Variants in MARCHF1 observed in about 807,000 individuals in gnomAD.
MARCHF1 encodes the protein membrane associated ring-CH-type finger 1.
In MARCHF1, 40 loss-of-function variants were observed where a neutral mutation model predicts 54.2. The ratio of observed to expected loss-of-function variants is 0.74; its 90% confidence interval spans 0.57 to 0.96. The LOEUF is 0.96. Among genes scored for constraint, MARCHF1 ranks in the 40% least tolerant of loss-of-function variants. The pLI is 0.00. For missense variants in MARCHF1, 586 were observed against 656.5 expected (o/e 0.89, Z 1.17); for synonymous variants, 236 against 236.3 (o/e 1.00, Z 0.01).
Position 163,892,442 on chromosome 4 carries a change from C to T in MARCHF1, c.-38-38273G>A, listed in dbSNP as rs556348412. ...CACCCTGTAGAGCTTAGTTTAAAAACCACTCCTTAGGAAATGCTGCTTGAG... is the reference window on the plus strand; with the variant it reads ...CACCCTGTAGAGCTTAGTTTAAAAATCACTCCTTAGGAAATGCTGCTTGAG... On this transcript the variant is annotated intron_variant, in intron 3 of 9. Coordinates refer to ENST00000514618, the MANE Select transcript of MARCHF1 (RefSeq NM_001394959.1). 2.6e-5 allele frequency among the ~76,000 whole-genome samples: 4 copies of T among 152,036 alleles called. No homozygotes were observed. The South Asian group carries it at 6.2e-4, about 24-fold the overall frequency.
intron 3 of MARCHF1, among the ~76,000 whole-genome samples, chr4:163,952,575 T>C (rs956574576): frequency 7.2e-5 from 11 of 152,318 alleles, no homozygotes; most frequent in Middle Eastern, 3.4e-3. Flanking sequence ...TTATCTGTAT[T>C]AATGAGACAT....
intron 4 of MARCHF1, among the ~76,000 whole-genome samples, chr4:163,705,098 T>C (rs1379078958): frequency 6.6e-6 from 1 of 151,532 alleles, no homozygotes; most frequent in African/African-American, 2.4e-5. Flanking sequence ...GAGAAAAACA[T>C]AAGATAGTTA....
chr4:164,225,092 G>A (rs1409781132), intron 1 of MARCHF1, among the ~76,000 whole-genome samples: 1 of 151,968 alleles, frequency 6.6e-6, no homozygotes, highest in African/African-American at 2.4e-5. Context: ...TATGGTGTAA[G>A]TCTCCCATGG....
At chr4:163,579,348 A>C (rs1740141084) in intron 8 of MARCHF1, among the ~76,000 whole-genome samples, 1 of 152,254 alleles carries the variant, frequency 6.6e-6, no homozygotes, top group African/African-American at 2.4e-5. Context: ...ACAAAGACAA[A>C]AAATTAGTAA....
At chr4:163,823,214 A>G (rs1748748106) in intron 4 of MARCHF1, among the ~76,000 whole-genome samples, 1 of 151,840 alleles carries the variant, frequency 6.6e-6, no homozygotes, top group African/African-American at 2.4e-5. Context: ...TAGTTATACA[A>G]TTCTAATTGC....
intron 3 of MARCHF1, chr4:163,933,190 C>G: frequency 2.7e-6 from 2 of 748,762 alleles, no homozygotes; most frequent in South Asian, 2.7e-5. Flanking sequence ...TAGAGACAAC[C>G]TAACACTATG....
chr4:164,158,757 C>T (rs1730152122), intron 1 of MARCHF1, among the ~76,000 whole-genome samples: 3 of 152,154 alleles, frequency 2.0e-5, no homozygotes, highest in African/African-American at 4.8e-5. Flanking sequence ...CTATGTGTTG[C>T]CATAATTGCT....
chr4:164,258,583 T>C (rs934868596), intron 1 of MARCHF1, among the ~76,000 whole-genome samples: 1 of 152,088 alleles, frequency 6.6e-6, no homozygotes, highest in Non-Finnish European at 1.5e-5. Flanking sequence ...TAAATGTAAT[T>C]GTTAAAATTA....
chr4:164,070,163 T>C (rs1173502622), intron 2 of MARCHF1, among the ~76,000 whole-genome samples: 1 of 152,188 alleles, frequency 6.6e-6, no homozygotes, highest in Non-Finnish European at 1.5e-5. Context: ...ATTTTTCAGG[T>C]ACTATACTCC....
At chr4:163,550,206 C>T (rs1481594606) in intron 8 of MARCHF1, among the ~76,000 whole-genome samples, 1 of 150,138 alleles carries the variant, frequency 6.7e-6, no homozygotes. Context: ...CGCTTCAACC[C>T]GGGAGGCAGA....
At chr4:164,303,569 A>C (rs1414014990) in intron 1 of MARCHF1, among the ~76,000 whole-genome samples, 1 of 152,248 alleles carries the variant, frequency 6.6e-6, no homozygotes, top group African/African-American at 2.4e-5. Context: ...GCACAGAGTA[A>C]ATAAATTACA....
intron 3 of MARCHF1, among the ~76,000 whole-genome samples, chr4:163,906,201 T>C (rs1272643403): frequency 1.3e-5 from 2 of 152,076 alleles, no homozygotes; most frequent in African/African-American, 4.8e-5. Context: ...GGAGGATTTC[T>C]TGTTGATTAC....
intron 4 of MARCHF1, among the ~76,000 whole-genome samples, chr4:163,834,386 A>G (rs1749116748): frequency 6.6e-6 from 1 of 152,114 alleles, no homozygotes; most frequent in Non-Finnish European, 1.5e-5. Flanking sequence ...AATTTATTAT[A>G]TTTTCTCAAT....
intron 2 of MARCHF1, among the ~76,000 whole-genome samples, chr4:163,998,657 C>T (rs886689482): frequency 6.6e-6 from 1 of 151,684 alleles, no homozygotes; most frequent in African/African-American, 2.4e-5. Flanking sequence ...CTCCTATCCT[C>T]GGTAACCATC....
intron 4 of MARCHF1, among the ~76,000 whole-genome samples, chr4:163,761,942 A>G (rs956588726): frequency 6.6e-6 from 1 of 152,178 alleles, no homozygotes; most frequent in African/African-American, 2.4e-5. Context: ...TCTCTCATTT[A>G]TATTTCTCAA....
intron 2 of MARCHF1, among the ~76,000 whole-genome samples, chr4:164,069,328 C>T (rs1754807198): frequency 6.6e-6 from 1 of 152,226 alleles, no homozygotes; most frequent in Non-Finnish European, 1.5e-5. Flanking sequence ...CTGCCTGAGC[C>T]AGCAGTGGCA....
chr4:163,769,480 T>C (rs1245133939), intron 4 of MARCHF1, among the ~76,000 whole-genome samples: 1 of 152,154 alleles, frequency 6.6e-6, no homozygotes, highest in Non-Finnish European at 1.5e-5. Flanking sequence ...TCACACAGTT[T>C]TGTGAATGAA....
rs1380695990 is a variant in MARCHF1, at chr4:163,526,868, TTTTG to T, written c.*1876_*1879del. On this transcript the variant is annotated 3_prime_UTR_variant, in exon 10 of 10. Coordinates refer to ENST00000514618, the MANE Select transcript of MARCHF1 (RefSeq NM_001394959.1). Reference sequence around the variant, plus strand: ...ACACACAAAATTGACATTGTTTACCTTTTGTTTATTTCTAGGAATCAAGACTATC... The same window carrying T: ...ACACACAAAATTGACATTGTTTACCTTTTATTTCTAGGAATCAAGACTATC... 1 of 151,934 alleles carries T rather than the reference TTTTG, an allele frequency of 6.6e-6. No individual in the cohort carries two copies. The highest frequency in any genetic ancestry group is 1.5e-5 in the Non-Finnish European group (1 of 67,896). 9.4% of individuals were successfully genotyped at this position (151,934 alleles called of 1,614,324 possible). A position where few individuals can be genotyped will look rare whatever the true frequency, so the allele number is the denominator to read the frequency against.
intron 1 of MARCHF1, among the ~76,000 whole-genome samples, chr4:164,225,772 G>A (rs555340400): frequency 1.3e-5 from 2 of 152,120 alleles, no homozygotes; most frequent in Admixed American, 6.6e-5. Context: ...TTGAAAAACA[G>A]TTTGGCAGTT....
Sources: gnomAD v4.1 joint callset for allele counts (sites outside exome capture counted in the v4.1 genomes callset) on GRCh38, gnomAD v4.1.1 for gene constraint, MANE v1.5 for transcripts, NCBI Gene and HGNC (gene_info 2026-07-23, HGNC 2026-07-21) for gene names.